L3MBTL4: variants seen among roughly 807,000 people sequenced by gnomAD.
L3MBTL4 encodes L3MBTL histone methyl-lysine binding protein 4.
L3MBTL4 carries 70 observed loss-of-function variants against 84.5 expected under a neutral mutation model. The observed-to-expected ratio is 0.83, with a 90% CI of 0.68 to 1.01. The LOEUF is 1.01. L3MBTL4 is among the 50% of genes least tolerant of loss of function. L3MBTL4 has a pLI of 0.00. For missense variants in L3MBTL4, 715 were observed against 754.8 expected (o/e 0.95, Z 0.62); for synonymous variants, 274 against 259.8 (o/e 1.05, Z -0.52).
At chr18:6,249,880 C>T (rs1196751248) in intron 5 of L3MBTL4, among the ~76,000 whole-genome samples, 4 of 152,002 alleles carry the variant, frequency 2.6e-5, no homozygotes, top group Non-Finnish European at 5.9e-5. Flanking sequence ...CGACTCGAGC[C>T]CAGAAGGGTG....
chr18:6,163,302 TGTGTGG>T lies in L3MBTL4; in HGVS notation c.1096+8520_1096+8525del, dbSNP rs1266309477. The stretch of plus-strand genomic sequence containing the variant: ...GTGTGTGTGTGTGTGTGTGTGTGTG[TGTGTGG>T]GTGGGTGTGTATTTTTGCTTTCACA... On this transcript the variant is annotated intron_variant, in intron 13 of 18. Coordinates refer to ENST00000317931, the MANE Select transcript of L3MBTL4 (RefSeq NM_001330559.2). Among the ~76,000 whole-genome samples, 1,000 of 118,708 alleles carry T rather than the reference TGTGTGG, an allele frequency of 8.4e-3. 6 individuals are homozygous for T. Among genetic ancestry groups the T allele is most frequent in the African/African-American group, 0.019 (406 of 21,804 alleles). 77.9% of individuals were successfully genotyped at this position (118,708 alleles called of 152,430 possible).
At chr18:6,027,515 A>G (rs1027134326) in intron 16 of L3MBTL4, among the ~76,000 whole-genome samples, 25 of 152,194 alleles carry the variant, frequency 1.6e-4, no homozygotes, top group Non-Finnish European at 1.5e-5. Flanking sequence ...ATGTGTCTTT[A>G]TGGTAGAATG....
intron 1 of L3MBTL4, among the ~76,000 whole-genome samples, chr18:6,405,096 G>A (rs1336206628): frequency 2.0e-5 from 3 of 152,220 alleles, no homozygotes; most frequent in Non-Finnish European, 4.4e-5. Context: ...AGGCATACAT[G>A]TTTTGGTGAA....
At chr18:5,992,960 T>G (rs1000494021) in intron 16 of L3MBTL4, among the ~76,000 whole-genome samples, 4 of 152,196 alleles carry the variant, frequency 2.6e-5, no homozygotes, top group African/African-American at 7.2e-5. Context: ...TAGAGTTTCA[T>G]GAATGGAGAA....
At chr18:6,338,530 G>C (rs570109900) in intron 1 of L3MBTL4, among the ~76,000 whole-genome samples, 4 of 151,986 alleles carry the variant, frequency 2.6e-5, no homozygotes, top group African/African-American at 9.6e-5. Flanking sequence ...AGAAAGGATA[G>C]AGATTTCTAA....
At chr18:6,329,982 G>T (rs1388087214) in intron 1 of L3MBTL4, among the ~76,000 whole-genome samples, 1 of 152,154 alleles carries the variant, frequency 6.6e-6, no homozygotes, top group East Asian at 1.9e-4. Context: ...CCATACTGTT[G>T]TATGCAGATG....
intron 5 of L3MBTL4, chr18:6,256,744 G>T (rs186183866): frequency 6.6e-6 from 1 of 152,310 alleles, no homozygotes; most frequent in Admixed American, 6.5e-5. Context: ...GACCCACTAA[G>T]GATTCTGCTC....
At chr18:6,261,258 C>T (rs2048387232) in intron 5 of L3MBTL4, among the ~76,000 whole-genome samples, 1 of 152,212 alleles carries the variant, frequency 6.6e-6, no homozygotes, top group Non-Finnish European at 1.5e-5. Context: ...ACTTTGCACA[C>T]ACAGAGTCTT....
intron 16 of L3MBTL4, among the ~76,000 whole-genome samples, chr18:6,077,577 G>T (rs1451137426): frequency 1.3e-5 from 2 of 152,100 alleles, no homozygotes; most frequent in Non-Finnish European, 2.9e-5. Flanking sequence ...AAGTTTTCCA[G>T]TGAAAATGGA....
intron 16 of L3MBTL4, among the ~76,000 whole-genome samples, chr18:5,971,858 T>C (rs768363476): frequency 6.6e-6 from 1 of 152,202 alleles, no homozygotes; most frequent in African/African-American, 2.4e-5. Context: ...TTAGTCCAAG[T>C]AGCAAGATGG....
intron 4 of L3MBTL4, among the ~76,000 whole-genome samples, chr18:6,293,838 G>A (rs1057193348): frequency 1.3e-5 from 2 of 152,186 alleles, no homozygotes; most frequent in African/African-American, 2.4e-5. Flanking sequence ...TAATTGGCCT[G>A]TAATCTTCAA....
intron 1 of L3MBTL4, among the ~76,000 whole-genome samples, chr18:6,405,889 A>G (rs190903511): frequency 6.6e-6 from 1 of 152,238 alleles, no homozygotes; most frequent in African/African-American, 2.4e-5. Flanking sequence ...TTCCTGGAAC[A>G]GGTCCAGTCT....
intron 5 of L3MBTL4, among the ~76,000 whole-genome samples, chr18:6,251,166 C>G (rs1243981513): frequency 6.6e-6 from 1 of 152,186 alleles, no homozygotes; most frequent in Non-Finnish European, 1.5e-5. Context: ...TAGGAAGGCC[C>G]TTGCAGGCTT....
chr18:6,392,354 G>A lies in L3MBTL4; in HGVS notation c.-91+22447C>T, dbSNP rs1038052831. On this transcript the variant is annotated intron_variant, in intron 1 of 18. Transcript: ENST00000317931. ...ACTTGAGATCGGGAGTTCAAGACCA[G>A]CCTGGCCAACATGGCAAAGCTCCAT... is the stretch of plus-strand genomic sequence containing the variant. 8.5e-5 allele frequency among the ~76,000 whole-genome samples: 13 copies of A among 152,330 alleles called. No individual in the cohort carries two copies. The South Asian group carries it at 2.5e-3, about 29-fold the overall frequency.
intron 11 of L3MBTL4, among the ~76,000 whole-genome samples, chr18:6,214,386 C>A (rs985756309): frequency 2.8e-4 from 43 of 152,158 alleles, no homozygotes; most frequent in African/African-American, 1.0e-3. Flanking sequence ...AAATTCAACT[C>A]TCAAAAATCA....
At chr18:6,215,609 T>TAAAAAAA in intron 11 of L3MBTL4, 141 bp downstream of exon 11, 1 of 466,580 alleles carries the variant, frequency 2.1e-6, no homozygotes, top group East Asian at 3.3e-5. Context: ...TATTTTTAAC[T>TAAAAAAA]AAAAGAAAAG....
chr18:6,140,708 T>C (rs1408021282), intron 13 of L3MBTL4, among the ~76,000 whole-genome samples: 4 of 152,056 alleles, frequency 2.6e-5, no homozygotes, highest in Non-Finnish European at 5.9e-5. Context: ...TTTTAATCAC[T>C]CCTTGACTAT....
intron 16 of L3MBTL4, among the ~76,000 whole-genome samples, chr18:5,992,639 C>T (rs1197483730): frequency 6.6e-6 from 1 of 152,178 alleles, no homozygotes; most frequent in East Asian, 1.9e-4. Context: ...TGGGCCATCC[C>T]CTTGGTGATA....
intron 4 of L3MBTL4, among the ~76,000 whole-genome samples, chr18:6,278,546 A>G (rs1212379800): frequency 1.3e-5 from 2 of 152,132 alleles, no homozygotes; most frequent in Admixed American, 6.5e-5. Flanking sequence ...ATATGCATCT[A>G]TAGTCTAGTT....
Sources: allele counts gnomAD v4.1 joint callset (sites outside exome capture counted in the v4.1 genomes callset), GRCh38; gene constraint gnomAD v4.1.1; transcripts MANE v1.5; gene names NCBI Gene and HGNC (gene_info 2026-07-23, HGNC 2026-07-21).